The following ABCB11 variants were observed in gnomAD, a reference collection of about 807,000 sequenced individuals.
The protein encoded by ABCB11 is bile salt export pump.
ABCB11 carries 95 observed loss-of-function variants against 148.0 expected under a neutral mutation model. The ratio of observed to expected loss-of-function variants is 0.64; its 90% CI spans 0.54 to 0.76. The LOEUF (loss-of-function observed/expected upper bound fraction) is 0.76, where lower values mean the gene tolerates loss of function less well. Ranked by LOEUF, ABCB11 falls within the 30% of genes least tolerant of loss-of-function variation. ABCB11 has a pLI of 0.00. For missense variants in ABCB11, 1,523 were observed against 1,617.8 expected (o/e 0.94, Z 1.01); for synonymous variants, 591 against 555.4 (o/e 1.06, Z -0.90).
chr2:168,975,232 TATAA>T (rs1693778035), intron 12 of ABCB11, among the ~76,000 whole-genome samples: 1 of 97,942 alleles, frequency 1.0e-5, no homozygotes, highest in Admixed American at 1.1e-4. Flanking sequence ...TAGATAAATA[TATAA>T]ATATTTAAAT....
chr2:168,997,099 A>T (rs1222412918), intron 5 of ABCB11, among the ~76,000 whole-genome samples: 1 of 151,974 alleles, frequency 6.6e-6, no homozygotes, highest in African/African-American at 2.4e-5. Flanking sequence ...CATACTCATC[A>T]TGCAGTGATA....
chr2:168,986,558 G>T (rs1212898062), intron 9 of ABCB11, among the ~76,000 whole-genome samples: 1 of 152,040 alleles, frequency 6.6e-6, no homozygotes, highest in Non-Finnish European at 1.5e-5. Context: ...CAAGAGAAAA[G>T]AATTTTCAAC....
chr2:168,920,725 CTT>C (rs1691048437), downstream of ABCB11, among the ~76,000 whole-genome samples: 1 of 152,316 alleles, frequency 6.6e-6, no homozygotes, highest in African/African-American at 2.4e-5. Context: ...GAGACCAAAT[CTT>C]TGTCAGCGAT....
chr2:169,016,979 TACACACAC>T (rs71397686), intron 2 of ABCB11, among the ~76,000 whole-genome samples, 180 bp from the exon 3 acceptor site: 227 of 138,096 alleles, frequency 1.6e-3, no homozygotes, highest in African/African-American at 4.9e-3. Flanking sequence ...TCTATCTTTC[TACACACAC>T]ACACACACAC....
rs1693703129 is a variant in ABCB11 at position 168,973,847 on chromosome 2, A to G, written c.1309-7T>C. On this transcript the variant is annotated splice_region_variant and splice_polypyrimidine_tract_variant and intron_variant, in intron 12 of 27. Transcript: ENST00000650372. ...TGTTGAGGTCATTTAGAATCTGGAGAAGAAAGAAAACAGCAAAGTTCAGAT... is the reference window on the plus strand; with the variant it reads ...TGTTGAGGTCATTTAGAATCTGGAGGAGAAAGAAAACAGCAAAGTTCAGAT... The G allele has an allele frequency of 6.2e-7, 1 of 1,610,306 alleles. No homozygotes were observed. The highest frequency in any genetic ancestry group is 8.5e-7 in the Non-Finnish European group (1 of 1,177,370).
chr2:168,976,315 G>C (rs546306138), intron 12 of ABCB11, among the ~76,000 whole-genome samples: 1 of 152,086 alleles, frequency 6.6e-6, no homozygotes, highest in Non-Finnish European at 1.5e-5. Context: ...CATTTCAACA[G>C]AGCGTCATAC....
chr2:169,011,441 C>T (rs1462440430), intron 5 of ABCB11, among the ~76,000 whole-genome samples: 10 of 152,106 alleles, frequency 6.6e-5, no homozygotes, highest in Admixed American at 5.2e-4. Context: ...ATACAAATTG[C>T]TCTGAGTTTG....
chr2:168,966,436 G>A (rs1693325356), intron 17 of ABCB11, among the ~76,000 whole-genome samples: 1 of 151,778 alleles, frequency 6.6e-6, no homozygotes, highest in South Asian at 2.1e-4. Flanking sequence ...CTGTCATGAG[G>A]CCATGGGCAG....
intron 18 of ABCB11, among the ~76,000 whole-genome samples, chr2:168,962,257 C>T (rs1469709860): frequency 6.6e-6 from 1 of 151,674 alleles, no homozygotes; most frequent in Non-Finnish European, 1.5e-5. Context: ...CGTAAAGTCA[C>T]ATCTTTTAAA....
chr2:168,963,264 A>G (rs1350779423), intron 18 of ABCB11, among the ~76,000 whole-genome samples: 2 of 151,762 alleles, frequency 1.3e-5, no homozygotes, highest in South Asian at 2.1e-4. Flanking sequence ...ATGCCTTACT[A>G]AGTGCAAGGC....
intron 5 of ABCB11, among the ~76,000 whole-genome samples, chr2:169,012,897 G>A (rs938183807): frequency 2.0e-5 from 3 of 152,102 alleles, no homozygotes; most frequent in Non-Finnish European, 4.4e-5. Context: ...AAGCTAAGGG[G>A]CAGAGGGGAG....
chr2:169,005,782 T>C (rs374515900), intron 5 of ABCB11, among the ~76,000 whole-genome samples: 2 of 152,160 alleles, frequency 1.3e-5, no homozygotes, highest in Non-Finnish European at 2.9e-5. Flanking sequence ...CCACAATGTA[T>C]ACATATTTCA....
At chr2:168,942,874 T>C (rs911426858) in intron 21 of ABCB11, among the ~76,000 whole-genome samples, 3 of 152,006 alleles carry the variant, frequency 2.0e-5, no homozygotes, top group Non-Finnish European at 1.5e-5. Context: ...GAAGTTAATA[T>C]TCACAATGGG....
chr2:168,978,133 T>C (rs1693993444), intron 11 of ABCB11, among the ~76,000 whole-genome samples: 3 of 72,270 alleles, frequency 4.2e-5, no homozygotes, highest in African/African-American at 1.5e-4. Flanking sequence ...ATAAATTGAC[T>C]TTTTTTTTTT....
rs935269749 is a variant in ABCB11 at position 168,998,375 on chromosome 2, A to G, written c.390-1653T>C. On this transcript the variant is annotated intron_variant, in intron 5 of 27. Transcript: ENST00000650372. ...GTTCAGGAATAAGTTCTGGTACTACATTGCATAGTAGGTGACTATAATAGT... is the reference window on the plus strand; with the variant it reads ...GTTCAGGAATAAGTTCTGGTACTACGTTGCATAGTAGGTGACTATAATAGT... 3.3e-5 allele frequency among the ~76,000 whole-genome samples: 5 copies of G among 152,024 alleles called. No homozygotes were observed. The East Asian group carries it at 7.7e-4, about 23-fold the overall frequency.
At chr2:169,009,611 G>A (rs1447118203) in intron 5 of ABCB11, among the ~76,000 whole-genome samples, 1 of 151,052 alleles carries the variant, frequency 6.6e-6, no homozygotes, top group Admixed American at 6.6e-5. Context: ...ATAGCATCAG[G>A]AGAAATACCT....
At chr2:168,926,317 C>G (rs1228421055) in intron 26 of ABCB11, among the ~76,000 whole-genome samples, 1 of 152,196 alleles carries the variant, frequency 6.6e-6, no homozygotes, top group African/African-American at 2.4e-5. Context: ...CCACGGTACA[C>G]ATTGCCAAGT....
At chr2:169,002,626 GCAA>G (rs1694908960) in intron 5 of ABCB11, among the ~76,000 whole-genome samples, 1 of 152,082 alleles carries the variant, frequency 6.6e-6, no homozygotes, top group South Asian at 2.1e-4. Context: ...CCTGTCCTTT[GCAA>G]CAACACAGAT....
intron 1 of ABCB11, among the ~76,000 whole-genome samples, chr2:169,026,967 C>A (rs190464064): frequency 6.6e-6 from 1 of 152,270 alleles, no homozygotes; most frequent in Admixed American, 6.5e-5. Context: ...TTAGCTGTAA[C>A]ACTTTTTTAG....
Sources: gnomAD v4.1 joint callset for allele counts (sites outside exome capture counted in the v4.1 genomes callset) on GRCh38, gnomAD v4.1.1 for gene constraint, MANE v1.5 for transcripts, NCBI Gene and HGNC (gene_info 2026-07-23, HGNC 2026-07-21) for gene names.